Variants in BCL6B observed in about 807,000 individuals in gnomAD.
The protein encoded by BCL6B is B-cell CLL/lymphoma 6 member B protein.
BCL6B carries 28 observed loss-of-function variants against 44.6 expected under a neutral mutation model. The ratio of observed to expected loss-of-function variants is 0.63; its 90% confidence interval spans 0.47 to 0.86. BCL6B has a LOEUF of 0.86. Among genes scored for constraint, BCL6B ranks in the 40% least tolerant of loss-of-function variants. The probability of loss-of-function intolerance (pLI) is 0.00; values close to 1 mark genes in which losing one functional copy is unlikely to be tolerated. For synonymous variants in BCL6B, 268 were observed against 263.6 expected, an observed-to-expected ratio of 1.02 and a Z score of -0.16; for missense variants, 626 against 652.3, an observed-to-expected ratio of 0.96 and a Z score of 0.44.
rs775354937 is a variant in BCL6B at position 7,029,301 on chromosome 17, T to C, written c.*1682T>C. On this transcript the variant is annotated 3_prime_UTR_variant, in exon 9 of 9. Transcript: ENST00000293805. Reference sequence around the variant, plus strand: ...GTTAGAAGAAGCGCTGAAGCCTTGATTGATAGTTCTGCCCCTTGTTGCCCT... The same window carrying C: ...GTTAGAAGAAGCGCTGAAGCCTTGACTGATAGTTCTGCCCCTTGTTGCCCT... 15 of 987,158 alleles carry C rather than the reference T, an allele frequency of 1.5e-5. No individual in the cohort carries two copies. Among genetic ancestry groups the C allele is most frequent in the Non-Finnish European group, 1.8e-5 (15 of 831,088 alleles). 61.1% of individuals were successfully genotyped at this position (987,158 alleles called of 1,614,324 possible).
rs1011162567 is a variant in BCL6B, at chr17:7,026,801, A to G, written c.1151A>G (p.Tyr384Cys). Residue 384 changes from tyrosine (Y) to cysteine (C), a missense_variant, in exon 7 of 9, where the codon TAT becomes TGT. By Grantham distance (194) the Tyr-to-Cys change is radical (BLOSUM62 -2). Transcript: ENST00000293805. ...CGCATCCATTCGGGAGAGAAGCCGT[A>G]TAAGTGTGAGACGTGCGGCTCGCGC... Reference protein sequence around the residue: ...HSRIHSGEKPYKCETCGSRFV... With the variant: ...HSRIHSGEKPCKCETCGSRFV... The G allele has an allele frequency of 9.3e-6, 15 of 1,614,030 alleles. No homozygotes were observed. Among genetic ancestry groups the G allele is most frequent in the Admixed American group, 3.3e-5 (2 of 60,010 alleles).
chr17:7,024,612 C>T lies in BCL6B; in HGVS notation c.613C>T (p.Gln205Ter). 6.2e-7 allele frequency: 1 copy of T among 1,614,180 alleles called. No homozygotes were observed. Among genetic ancestry groups the T allele is most frequent in the Non-Finnish European group, 8.5e-7 (1 of 1,180,036 alleles). Residue 205 changes from glutamine (Q) to a stop codon, truncating the protein, a stop_gained, in exon 4 of 9, where the codon CAG becomes TAG. Coordinates refer to ENST00000293805, the MANE Select transcript of BCL6B (RefSeq NM_181844.4). LOFTEE classifies it high-confidence loss of function. The surrounding 1 kb of genome is among the most constrained non-coding windows in gnomAD (Gnocchi z 6.6). ...KKYKYIVLNS[Q>*]ASQAGSLVGE... ...GTACAAGTACATCGTGCTAAACTCT[C>T]AGGCCTCCCAAGCAGGGAGCCTGGT...
At position 7,026,491 on chromosome 17, in the gene BCL6B, T is replaced by C. The variant is rs200853135; in HGVS notation, c.924T>C (p.Ala308=). 64 of 1,614,174 alleles carry C rather than the reference T, an allele frequency of 4.0e-5. No individual in the cohort carries two copies. Among genetic ancestry groups the C allele is most frequent in the Non-Finnish European group, 5.2e-5 (61 of 1,179,998 alleles). Residue 308 remains alanine, a synonymous_variant, in exon 6 of 9, where the codon GCT becomes GCC. Coordinates refer to ENST00000293805, the MANE Select transcript of BCL6B (RefSeq NM_181844.4). Reference sequence around the variant, plus strand: ...TTTTCAGCTGCCAGAACTGTGAGGCTGTGGCAGGGTGCTCATCGGGGCTGG... The same window carrying C: ...TTTTCAGCTGCCAGAACTGTGAGGCCGTGGCAGGGTGCTCATCGGGGCTGG... ...SEFFSCQNCE[A]VAGCSSGLDS...
In BCL6B at chr17:7,024,509, A is replaced by C. The variant is rs1910227966; in HGVS notation, c.510A>C (p.Pro170=). ...GGCGCTCCGAAGGACACCCAGACCCACCTACTGAATCTCGAAGCTGCAGTC... is the reference window on the plus strand; with the variant it reads ...GGCGCTCCGAAGGACACCCAGACCCCCCTACTGAATCTCGAAGCTGCAGTC... ...SPRRSEGHPD[P]PTESRSCSQG... The change falls in exon 4 of 9, where the codon CCA becomes CCC. Residue 170 remains proline, a synonymous_variant. Coordinates refer to ENST00000293805, the MANE Select transcript of BCL6B (RefSeq NM_181844.4). The surrounding 1 kb of genome is among the most constrained non-coding windows in gnomAD (Gnocchi z 6.6). 1 of 1,609,172 alleles carries C rather than the reference A, an allele frequency of 6.2e-7. No homozygotes were observed. Among genetic ancestry groups the C allele is most frequent in the Non-Finnish European group, 8.5e-7 (1 of 1,179,172 alleles).
chr17:7,025,706 G>A (rs1334194861), intron 5 of BCL6B, among the ~76,000 whole-genome samples: 1 of 151,988 alleles, frequency 6.6e-6, no homozygotes, highest in Non-Finnish European at 1.5e-5. Context: ...GCACGGTGGT[G>A]CACACCTGTA....
At position 7,029,428 on chromosome 17, in the gene BCL6B, G is replaced by A; in HGVS notation, c.*1809G>A. 3 of 1,019,976 alleles carry A rather than the reference G, an allele frequency of 2.9e-6. No individual in the cohort carries two copies. The highest frequency in any genetic ancestry group is 3.5e-6 in the Non-Finnish European group (3 of 849,778). The allele number at this position is 1,019,976 out of a possible 1,614,324, so 63.2% of individuals were successfully genotyped here. Reference sequence around the variant, plus strand: ...AGTCAGTTCTAGTGGCTGTCGCCTGGGGACTAGTGAGAAAGCTACTCTTCT... The same window carrying A: ...AGTCAGTTCTAGTGGCTGTCGCCTGAGGACTAGTGAGAAAGCTACTCTTCT... On this transcript the variant is annotated 3_prime_UTR_variant, in exon 9 of 9. Coordinates refer to ENST00000293805, the MANE Select transcript of BCL6B (RefSeq NM_181844.4).
rs1597341363 is a variant in BCL6B, at chr17:7,026,894, A to G, written c.1186-56A>G. The G allele has an allele frequency of 1.2e-5, 19 of 1,611,098 alleles. No individual in the cohort carries two copies. In the South Asian group the frequency reaches 2.0e-4, roughly 17 times the overall value. The stretch of plus-strand genomic sequence containing the variant: ...AAACCTGCAAGAGGTGGGGTGGGCC[A>G]ATAGGGAGGGTTCTGTTCCTCCCAG... On this transcript the variant is annotated intron_variant, in intron 7 of 8. Transcript: ENST00000293805.
rs1910388492 is a variant in BCL6B at position 7,029,226 on chromosome 17, T to C, written c.*1607T>C. The C allele has an allele frequency of 1.0e-6, 1 of 986,284 alleles. No individual in the cohort carries two copies. Among genetic ancestry groups the C allele is most frequent in the Non-Finnish European group, 1.2e-6 (1 of 830,572 alleles). 61.1% of individuals were successfully genotyped at this position (986,284 alleles called of 1,614,324 possible). On this transcript the variant is annotated 3_prime_UTR_variant, in exon 9 of 9. Transcript: ENST00000293805. ...CAGTTTCTGGTGTAGGCCAGGTAGGTAGAAAGTGAGGAACAGGGTTGCCTC... is the reference window on the plus strand; with the variant it reads ...CAGTTTCTGGTGTAGGCCAGGTAGGCAGAAAGTGAGGAACAGGGTTGCCTC...
intron 1 of BCL6B, 97 bp from the exon 2 acceptor site, chr17:7,023,563 C>A (rs780098472): frequency 2.0e-4 from 253 of 1,249,048 alleles, no homozygotes; most frequent in Non-Finnish European, 2.6e-4. Context: ...GGCTGGAAGT[C>A]CTGGCTCTAG....
intron 5 of BCL6B, among the ~76,000 whole-genome samples, chr17:7,026,209 C>T (rs1910282935): frequency 6.6e-6 from 1 of 152,114 alleles, no homozygotes; most frequent in Non-Finnish European, 1.5e-5. Flanking sequence ...CGTGAGCCAC[C>T]GTACCTGGCC....
In BCL6B at chr17:7,024,132, G is replaced by T; in HGVS notation, c.229G>T (p.Val77Leu). Residue 77 changes from valine (V) to leucine (L), a missense_variant, in exon 3 of 9, where the codon GTG becomes TTG. Val to Leu is a conservative substitution (Grantham distance 32). Coordinates refer to ENST00000293805, the MANE Select transcript of BCL6B (RefSeq NM_181844.4). This position sits in a 1 kb window ranked among gnomAD's most constrained non-coding sequence, Gnocchi z 6.6. ...GGGCCGTGCGGGAGTCGGGGTGGAC[G>T]TGCTCTCTCTGCCCGGGGGTCCCGA... Reference protein sequence around the residue: ...FRGRAGVGVDVLSLPGGPEAR... With the variant: ...FRGRAGVGVDLLSLPGGPEAR... 1 of 1,614,026 alleles carries T rather than the reference G, an allele frequency of 6.2e-7. No homozygotes were observed.
rs1910389367 is a variant in BCL6B, at chr17:7,029,263, G to T, written c.*1644G>T. On this transcript the variant is annotated 3_prime_UTR_variant, in exon 9 of 9. Transcript: ENST00000293805. ...AACAGGGTTGCCTCTTGGCTGGGTG[G>T]AGTCTCTGAAATGTTAGAAGAAGCG... The T allele has an allele frequency of 1.0e-6, 1 of 986,706 alleles. No individual in the cohort carries two copies. Among genetic ancestry groups the T allele is most frequent in the Non-Finnish European group, 1.2e-6 (1 of 830,820 alleles). 61.1% of individuals were successfully genotyped at this position (986,706 alleles called of 1,614,324 possible).
In BCL6B at chr17:7,027,527, C is replaced by T; in HGVS notation, c.1348C>T (p.Arg450Trp). Reference sequence around the variant, plus strand: ...GTGCGACCCCTGTGGCCTGCATTTCCGGCACAAGAGTCAACTGCGGCTGCA... The same window carrying T: ...GTGCGACCCCTGTGGCCTGCATTTCTGGCACAAGAGTCAACTGCGGCTGCA... ...YHCDPCGLHF[R>W]HKSQLRLHLR... The change falls in exon 9 of 9, where the codon CGG becomes TGG. Residue 450 changes from arginine to tryptophan, a missense_variant. Coordinates refer to ENST00000293805, the MANE Select transcript of BCL6B (RefSeq NM_181844.4). 4 of 1,613,848 alleles carry T rather than the reference C, an allele frequency of 2.5e-6. No individual in the cohort carries two copies. The highest frequency in any genetic ancestry group is 3.4e-6 in the Non-Finnish European group (4 of 1,180,020).
At position 7,024,700 on chromosome 17, in the gene BCL6B, CCAG is replaced by C. The variant is rs55799550; in HGVS notation, c.729_731del (p.Ser244del). 608 of 1,454,994 alleles carry C rather than the reference CCAG, an allele frequency of 4.2e-4. 2 individuals are homozygous for C. The African/African-American group carries it at 5.7e-3, about 14-fold the overall frequency. The allele number at this position is 1,454,994 out of a possible 1,614,324, so 90.1% of individuals were successfully genotyped here. ...AGGCTCCCCAGTGGAGACGAGGCCT[CCAG>C]CAGCAGCAGCAGCAGCAGCAGCAGC... On this transcript the variant is annotated inframe_deletion, in exon 4 of 9. Transcript: ENST00000293805. This position sits in a 1 kb window ranked among gnomAD's most constrained non-coding sequence, Gnocchi z 6.6.
Position 7,028,649 on chromosome 17 carries a change from C to T in BCL6B, c.*1030C>T. On this transcript the variant is annotated 3_prime_UTR_variant, in exon 9 of 9. Coordinates refer to ENST00000293805, the MANE Select transcript of BCL6B (RefSeq NM_181844.4). ...CTCCCACGGGGGCCTGTTCTTAGCA[C>T]TGAGTTGATCGCTCCATGGGGGAGA... 1.0e-6 allele frequency: 1 copy of T among 985,480 alleles called. No homozygotes were observed. The highest frequency in any genetic ancestry group is 1.2e-6 in the Non-Finnish European group (1 of 829,966). The allele number at this position is 985,480 out of a possible 1,614,324, so 61.0% of individuals were successfully genotyped here.
In BCL6B at chr17:7,026,439, AC is replaced by A. The variant is rs1910288180; in HGVS notation, c.890-15del. ...CTCATTAATAACTATGGTTGCCGTC[AC>A]CCATTCCCCTTCCCAGGAAGTGAAT... is the stretch of plus-strand genomic sequence containing the variant. On this transcript the variant is annotated splice_polypyrimidine_tract_variant and intron_variant, in intron 5 of 8. Coordinates refer to ENST00000293805, the MANE Select transcript of BCL6B (RefSeq NM_181844.4). The A allele has an allele frequency of 1.2e-6, 2 of 1,612,722 alleles. No individual in the cohort carries two copies. The highest frequency in any genetic ancestry group is 2.7e-5 in the African/African-American group (2 of 74,894).
chr17:7,023,599 CAG>C lies in BCL6B; in HGVS notation c.-12-58_-12-57del, dbSNP rs371941540. The C allele has an allele frequency of 8.3e-4, 1,229 of 1,486,846 alleles. 6 individuals carry two copies. In the African/African-American group the frequency reaches 0.015, roughly 18 times the overall value. 92.1% of individuals were successfully genotyped at this position (1,486,846 alleles called of 1,614,324 possible). A position where few individuals can be genotyped will look rare whatever the true frequency, so the allele number is the denominator to read the frequency against. On this transcript the variant is annotated intron_variant, in intron 1 of 8. Transcript: ENST00000293805. ...TTGCACCTCGGAAGGAAAAGGCAAA[CAG>C]AGGAGGGAAGGCGTCTTAGGACTGC...
chr17:7,023,783 AC>A lies in BCL6B; in HGVS notation c.113del (p.Thr38MetfsTer75). ...LNELRLRGIL[T>X]DVTLLVGGQP... ...CGAGCTGCGCCTGCGCGGGATCCTC[AC>A]TGACGTCACGCTGCTGGTTGGCGGG... On this transcript the variant is annotated frameshift_variant, in exon 2 of 9. Coordinates refer to ENST00000293805, the MANE Select transcript of BCL6B (RefSeq NM_181844.4). LOFTEE classifies it high-confidence loss of function. The A allele has an allele frequency of 6.2e-7, 1 of 1,612,506 alleles. No individual in the cohort carries two copies. Among genetic ancestry groups the A allele is most frequent in the Non-Finnish European group, 8.5e-7 (1 of 1,179,712 alleles).
At position 7,027,500 on chromosome 17, in the gene BCL6B, C is replaced by T. The variant is rs1472785701; in HGVS notation, c.1324-3C>T. The T allele has an allele frequency of 6.2e-7, 1 of 1,613,902 alleles. No homozygotes were observed. Among genetic ancestry groups the T allele is most frequent in the Admixed American group, 1.7e-5 (1 of 60,016 alleles). ...AGGGCCTGACTTGGCTGTCCTCCCA[C>T]AGTGCGACCCCTGTGGCCTGCATTT... is the stretch of plus-strand genomic sequence containing the variant. On this transcript the variant is annotated splice_polypyrimidine_tract_variant and splice_region_variant and intron_variant, in intron 8 of 8. Coordinates refer to ENST00000293805, the MANE Select transcript of BCL6B (RefSeq NM_181844.4).
Sources: gnomAD v4.1 joint callset for allele counts (sites outside exome capture counted in the v4.1 genomes callset) on GRCh38, gnomAD v4.1.1 for gene constraint, Gnocchi (gnomAD v3.1) non-coding constraint, MANE v1.5 for transcripts, NCBI Gene and HGNC (gene_info 2026-07-23, HGNC 2026-07-21) for gene names.